The following CEP350 variants were observed in gnomAD, a reference collection of about 807,000 sequenced individuals.
CEP350 encodes centrosome-associated protein 350.
CEP350 carries 126 observed loss-of-function variants against 331.8 expected under a neutral mutation model. That is an observed-to-expected ratio of 0.38 (90% confidence interval 0.33 to 0.44). The LOEUF (loss-of-function observed/expected upper bound fraction) is 0.44, where lower values mean the gene tolerates loss of function less well. Among genes scored for constraint, CEP350 ranks in the 20% least tolerant of loss-of-function variants. The pLI is 1.00. For synonymous variants in CEP350, 1,200 were observed against 1,259.5 expected (o/e 0.95, Z 1.00); for missense variants, 3,406 against 3,634.6 (o/e 0.94, Z 1.62).
rs542337312 is a variant in CEP350 at position 180,100,603 on chromosome 1, G to A, written c.9189+1618G>A. ...CACCTTCATAGATTTCCAGTTTGAA[G>A]GCAGAAACCAGCCATTAATATATCG... On this transcript the variant is annotated intron_variant, in intron 37 of 37. Transcript: ENST00000367607. Among the ~76,000 whole-genome samples the A allele has an allele frequency of 2.6e-5, 4 of 152,276 alleles. No homozygotes were observed. The South Asian group carries it at 8.3e-4, about 32-fold the overall frequency.
chr1:180,032,130 C>T (rs1488838497), intron 15 of CEP350, among the ~76,000 whole-genome samples: 13 of 152,144 alleles, frequency 8.5e-5, no homozygotes, highest in Admixed American at 7.9e-4. Context: ...GCACTTAGTC[C>T]GTTGCTTACA....
At chr1:180,028,062 A>G (rs1251334569) in intron 14 of CEP350, among the ~76,000 whole-genome samples, 5 of 152,172 alleles carry the variant, frequency 3.3e-5, no homozygotes, top group Non-Finnish European at 7.4e-5. Flanking sequence ...CCGAAACTGT[A>G]TTTTCTTGTG....
In CEP350 at chr1:179,989,460, G is replaced by A. The variant is rs542935550; in HGVS notation, c.121-1047G>A. Among the ~76,000 whole-genome samples the A allele has an allele frequency of 1.1e-3, 151 of 141,466 alleles. 1 individual carries two copies. Among genetic ancestry groups the A allele is most frequent in the African/African-American group, 3.7e-3 (142 of 38,528 alleles). The allele number at this position is 141,466 out of a possible 152,430, so 92.8% of individuals were successfully genotyped here. The stretch of plus-strand genomic sequence containing the variant: ...ATCATGTCACTGCACTCCAGCCTGG[G>A]TGACAGAGTGAGACCCTGTCTCAAA... On this transcript the variant is annotated intron_variant, in intron 3 of 37. Transcript: ENST00000367607.
chr1:180,043,281 T>C (rs1231301964), intron 20 of CEP350, 89 bp downstream of exon 20: 23 of 1,420,954 alleles, frequency 1.6e-5, no homozygotes, highest in Non-Finnish European at 2.2e-5. Context: ...TTTGTTGTTA[T>C]AGGCATTATT....
intron 1 of CEP350, among the ~76,000 whole-genome samples, chr1:179,982,651 CTTATT>C (rs1652364123): frequency 6.6e-6 from 1 of 152,092 alleles, no homozygotes. Context: ...TATTTCAGCA[CTTATT>C]TTAGTTTTAA....
chr1:180,009,552 T>A (rs907503558), intron 8 of CEP350, among the ~76,000 whole-genome samples: 4 of 152,190 alleles, frequency 2.6e-5, no homozygotes, highest in African/African-American at 7.2e-5. Flanking sequence ...CCTTTTTTTT[T>A]AACCAATGAC....
chr1:179,978,545 C>T (rs1353742347), intron 1 of CEP350, among the ~76,000 whole-genome samples: 2 of 152,010 alleles, frequency 1.3e-5, no homozygotes, highest in Non-Finnish European at 1.5e-5. Context: ...CCCCCTTAAC[C>T]CCCCTCCCAG....
At chr1:180,065,825 G>T (rs564956473) in intron 27 of CEP350, among the ~76,000 whole-genome samples, 189 of 151,828 alleles carry the variant, frequency 1.2e-3, no homozygotes, top group African/African-American at 4.3e-3. Flanking sequence ...TGAAAGAAAG[G>T]CATTTCTTTC....
intron 26 of CEP350, among the ~76,000 whole-genome samples, chr1:180,063,715 A>G (rs1288538228): frequency 6.6e-6 from 1 of 152,112 alleles, no homozygotes; most frequent in African/African-American, 2.4e-5. Context: ...TGCGAGGCTG[A>G]GGTGGGAGGA....
At chr1:180,061,186 CATTG>C (rs145891471) in intron 25 of CEP350, among the ~76,000 whole-genome samples, 90 of 150,544 alleles carry the variant, frequency 6.0e-4, no homozygotes, top group East Asian at 1.8e-3. Flanking sequence ...GATAAGAAAA[CATTG>C]ATTGATTGAT....
intron 14 of CEP350, among the ~76,000 whole-genome samples, chr1:180,027,220 A>G (rs1313759469): frequency 6.6e-6 from 1 of 152,206 alleles, no homozygotes; most frequent in African/African-American, 2.4e-5. Context: ...CAAATAGGCA[A>G]TTTTATGTGT....
At chr1:180,042,132 TCACACACACACA>T (rs59048123) in intron 19 of CEP350, among the ~76,000 whole-genome samples, 2 of 146,772 alleles carry the variant, frequency 1.4e-5, no homozygotes, top group African/African-American at 2.5e-5. Flanking sequence ...GAGTTTTCTC[TCACACACACACA>T]CACACACACA....
intron 15 of CEP350, among the ~76,000 whole-genome samples, chr1:180,031,783 T>C (rs1379355558): frequency 6.6e-6 from 1 of 152,078 alleles, no homozygotes; most frequent in African/African-American, 2.4e-5. Context: ...GTTGTTACAA[T>C]TGTTTTCTTG....
chr1:180,097,204 G>A (rs1660531143), intron 36 of CEP350, among the ~76,000 whole-genome samples: 1 of 152,136 alleles, frequency 6.6e-6, no homozygotes, highest in South Asian at 2.1e-4. Context: ...ATAAAGTTTT[G>A]TTGGACCACA....
intron 27 of CEP350, among the ~76,000 whole-genome samples, chr1:180,072,964 A>C (rs1239640943): frequency 3.3e-5 from 5 of 151,610 alleles, no homozygotes; most frequent in African/African-American, 1.2e-4. Context: ...TAATCCATAC[A>C]CACACGCACG....
chr1:180,032,300 C>T (rs2148883065), intron 15 of CEP350, among the ~76,000 whole-genome samples: 1 of 152,164 alleles, frequency 6.6e-6, no homozygotes, highest in Admixed American at 6.5e-5. Context: ...TACTGTGACA[C>T]ATAAAGATTA....
chr1:179,992,745 AGAT>A (rs1246331568), intron 5 of CEP350, among the ~76,000 whole-genome samples: 2 of 152,200 alleles, frequency 1.3e-5, no homozygotes, highest in Non-Finnish European at 2.9e-5. Context: ...TTGATAGCAT[AGAT>A]GATATAAAAT....
chr1:179,969,343 G>GT, intron 1 of CEP350: 1 of 513,592 alleles, frequency 1.9e-6, no homozygotes, highest in South Asian at 1.4e-5. Context: ...CAGCTCTGGA[G>GT]TTTAACACTA....
rs1360874182 is a variant in CEP350, at chr1:180,093,884, A to G, written c.7779A>G (p.Gln2593=). Residue 2593 remains glutamine, a synonymous_variant, in exon 34 of 38, where the codon CAA becomes CAG. Coordinates refer to ENST00000367607, the MANE Select transcript of CEP350 (RefSeq NM_014810.5). ...ATGAACGATATCAGTGCTATAATCA[A>G]GAGCAAAATGATACAGAGGGTCCAA... ...YSDERYQCYN[Q]EQNDTEGPKD... is the part of the protein sequence containing the mutation. 1 of 1,613,928 alleles carries G rather than the reference A, an allele frequency of 6.2e-7. No homozygotes were observed.
Sources: allele counts gnomAD v4.1 joint callset (sites outside exome capture counted in the v4.1 genomes callset), GRCh38; gene constraint gnomAD v4.1.1; transcripts MANE v1.5; gene names NCBI Gene and HGNC (gene_info 2026-07-23, HGNC 2026-07-21).